Variants in NCAPG observed in about 807,000 individuals in gnomAD.
The protein encoded by NCAPG is condensin complex subunit 3.
NCAPG carries 69 observed loss-of-function variants against 113.1 expected under a neutral mutation model. That is an observed-to-expected ratio of 0.61 (90% CI 0.50 to 0.75). The LOEUF (loss-of-function observed/expected upper bound fraction) is 0.75. Among genes scored for constraint, NCAPG ranks in the 30% least tolerant of loss-of-function variants. NCAPG has a pLI of 0.00. For missense variants in NCAPG, 1,058 were observed against 1,177.0 expected (o/e 0.90, Z 1.48); for synonymous variants, 370 against 415.8 (o/e 0.89, Z 1.34).
chr4:17,829,558 AGT>A lies in NCAPG; in HGVS notation c.1764+1173_1764+1174del, dbSNP rs367742595. ...TGTATATATGTGGGAAAGGATATAC[AGT>A]GTTATGTGAAGAATAAACACAAAAT... On this transcript the variant is annotated intron_variant, in intron 12 of 20. Coordinates refer to ENST00000251496, the MANE Select transcript of NCAPG (RefSeq NM_022346.5). Among the ~76,000 whole-genome samples the A allele has an allele frequency of 2.4e-3, 367 of 151,346 alleles. 1 individual carries two copies. Among genetic ancestry groups the A allele is most frequent in the African/African-American group, 7.9e-3 (328 of 41,550 alleles).
At chr4:17,826,638 C>T (rs1384856646) in intron 11 of NCAPG, among the ~76,000 whole-genome samples, 1 of 152,204 alleles carries the variant, frequency 6.6e-6, no homozygotes, top group African/African-American at 2.4e-5. Context: ...TTTAACTTGA[C>T]TTGCTTTGAC....
intron 11 of NCAPG, 72 bp downstream of exon 11, chr4:17,825,633 C>T (rs1721632097): frequency 1.5e-6 from 2 of 1,343,570 alleles, no homozygotes; most frequent in Non-Finnish European, 2.0e-6. Context: ...TTTTCTCTAA[C>T]TTCTAGAATT....
At position 17,818,002 on chromosome 4, in the gene NCAPG, A is replaced by G; in HGVS notation, c.1032A>G (p.Glu344=). 6.2e-6 allele frequency: 10 copies of G among 1,613,708 alleles called. No individual in the cohort carries two copies. Among genetic ancestry groups the G allele is most frequent in the Non-Finnish European group, 8.5e-6 (10 of 1,179,796 alleles). The change falls in exon 7 of 21, where the codon GAA becomes GAG. Residue 344 remains glutamate, a synonymous_variant. Transcript: ENST00000251496. ...CTTTGTATTGGTGTGCCCTTTGTGA[A>G]TATTTGAAATCAAAAGGAGATGAAG... The part of the protein sequence containing the change: ...EIALYWCALC[E]YLKSKGDEGE...
At chr4:17,815,779 C>T (rs1248921364) in intron 5 of NCAPG, among the ~76,000 whole-genome samples, 1 of 152,168 alleles carries the variant, frequency 6.6e-6, no homozygotes, top group East Asian at 1.9e-4. Flanking sequence ...CTACTTCAGC[C>T]TCCCAAAGTG....
intron 18 of NCAPG, 21 bp downstream of exon 18, chr4:17,840,230 A>G (rs377000367): frequency 2.3e-5 from 36 of 1,539,458 alleles, no homozygotes; most frequent in Non-Finnish European, 3.0e-5. Flanking sequence ...ACTGAACAGA[A>G]TATTTATAAG....
At chr4:17,824,239 C>T (rs114517053) in intron 9 of NCAPG, among the ~76,000 whole-genome samples, 1,724 of 152,196 alleles carry the variant, frequency 0.011, 23 homozygotes, top group Non-Finnish European at 0.017. Flanking sequence ...AGGTATTGTT[C>T]TGTATTGCTT....
chr4:17,821,405 C>T (rs900268081), intron 7 of NCAPG, among the ~76,000 whole-genome samples: 13 of 149,400 alleles, frequency 8.7e-5, no homozygotes, highest in African/African-American at 2.0e-4. Flanking sequence ...TGAGAGTATA[C>T]TCATTATACA....
chr4:17,824,286 T>G (rs1287873261), intron 9 of NCAPG, among the ~76,000 whole-genome samples: 2 of 152,164 alleles, frequency 1.3e-5, no homozygotes, highest in Admixed American at 1.3e-4. Flanking sequence ...ATAATACTAT[T>G]TCAGTGTTAT....
At chr4:17,812,844 A>G in intron 2 of NCAPG, 73 bp from the exon 3 acceptor site, 2 of 1,251,318 alleles carry the variant, frequency 1.6e-6, no homozygotes, top group Non-Finnish European at 2.3e-6. Context: ...CCGAATGTAT[A>G]GAGTTCAGAT....
chr4:17,834,299 G>GT lies in NCAPG; in HGVS notation c.1889dup (p.Leu630PhefsTer4). The GT allele has an allele frequency of 6.4e-7, 1 of 1,574,552 alleles. No homozygotes were observed. The highest frequency in any genetic ancestry group is 8.6e-7 in the Non-Finnish European group (1 of 1,160,602). ...TTTGGTGGGGAATATCTTGATTTAG[G>GT]TTTTGCAAATTGATGATGTCACAAT... On this transcript the variant is annotated frameshift_variant and splice_region_variant, in exon 14 of 21. Transcript: ENST00000251496. LOFTEE classifies it high-confidence loss of function.
At position 17,818,093 on chromosome 4, in the gene NCAPG, AT is replaced by A. The variant is rs748183293; in HGVS notation, c.1118+13del. Reference sequence around the variant, plus strand: ...ATATGCAGACTATTTATTGAGGTAAATTTTTTTTCTTTTAGTTTGGAGAGTG... The same window carrying A: ...ATATGCAGACTATTTATTGAGGTAAATTTTTTTCTTTTAGTTTGGAGAGTG... On this transcript the variant is annotated splice_donor_region_variant and intron_variant, in intron 7 of 20. Transcript: ENST00000251496. The A allele has an allele frequency of 4.4e-6, 7 of 1,590,096 alleles. No homozygotes were observed. Among genetic ancestry groups the A allele is most frequent in the African/African-American group, 1.4e-5 (1 of 73,344 alleles).
At chr4:17,817,647 T>C (rs1721269431) in intron 6 of NCAPG, among the ~76,000 whole-genome samples, 194 bp downstream of exon 6, 1 of 152,210 alleles carries the variant, frequency 6.6e-6, no homozygotes, top group Non-Finnish European at 1.5e-5. Flanking sequence ...AACTTTATCA[T>C]AGACTATCTA....
In NCAPG at chr4:17,834,445, G is replaced by C; in HGVS notation, c.2031G>C (p.Glu677Asp). 1 of 1,611,180 alleles carries C rather than the reference G, an allele frequency of 6.2e-7. No individual in the cohort carries two copies. Among genetic ancestry groups the C allele is most frequent in the Non-Finnish European group, 8.5e-7 (1 of 1,178,536 alleles). Residue 677 changes from glutamate to aspartate, a missense_variant, in exon 14 of 21, where the codon GAG (glutamate) becomes GAC (aspartate). Transcript: ENST00000251496. ...GTACAGAAATAAACAGTGATGATGA[G>C]CAAGAATCAAAAGAAGTTGAAGAGA... ...CEGTEINSDDEQESKEVEETA... is the reference protein window; with the variant it reads ...CEGTEINSDDDQESKEVEETA...
At chr4:17,816,367 C>T (rs780890104) in intron 5 of NCAPG, among the ~76,000 whole-genome samples, 6 of 152,148 alleles carry the variant, frequency 3.9e-5, no homozygotes, top group Non-Finnish European at 7.4e-5. Context: ...CTGTGCGGCC[C>T]GGTTCCTAAC....
intron 13 of NCAPG, among the ~76,000 whole-genome samples, chr4:17,833,384 G>A (rs13104751): frequency 0.44 from 66,495 of 151,184 alleles, 17,235 homozygotes; most frequent in Middle Eastern, 0.59. Flanking sequence ...GCTTGAACCC[G>A]GGAGGTGGAG....
At position 17,837,186 on chromosome 4, in the gene NCAPG, G is replaced by A; in HGVS notation, c.2137G>A (p.Glu713Lys). 1 of 1,613,822 alleles carries A rather than the reference G, an allele frequency of 6.2e-7. No individual in the cohort carries two copies. Among genetic ancestry groups the A allele is most frequent in the South Asian group, 1.1e-5 (1 of 91,032 alleles). ...EVSELRTGAA[E>K]GLAKLMFSGL... is the part of the protein sequence containing the mutation. ...ATCTGAACTTAGGACTGGAGCTGCA[G>A]AAGGACTAGCCAAGCTGATGTTCTC... Residue 713 changes from glutamate (E) to lysine (K), a missense_variant, in exon 15 of 21, where the codon GAA (glutamate) becomes AAA (lysine). Transcript: ENST00000251496.
intron 18 of NCAPG, 138 bp downstream of exon 18, chr4:17,840,347 T>A (rs2109068060): frequency 1.1e-6 from 1 of 919,502 alleles, no homozygotes; most frequent in Non-Finnish European, 1.5e-6. Context: ...TTAATCCTCT[T>A]GGGAAAGAGC....
intron 19 of NCAPG, 137 bp from the exon 20 acceptor site, chr4:17,842,173 G>A (rs1299037095): frequency 1.4e-5 from 9 of 644,268 alleles, no homozygotes; most frequent in Non-Finnish European, 2.2e-5. Context: ...GTACCAAGAT[G>A]GCTAGAACAA....
intron 13 of NCAPG, among the ~76,000 whole-genome samples, chr4:17,833,759 G>A (rs1339306960): frequency 6.6e-6 from 1 of 151,802 alleles, no homozygotes; most frequent in African/African-American, 2.4e-5. Flanking sequence ...TTTTCATAAA[G>A]GAGTCTAGTT....
Sources: gnomAD v4.1 joint callset for allele counts (sites outside exome capture counted in the v4.1 genomes callset) on GRCh38, gnomAD v4.1.1 for gene constraint, MANE v1.5 for transcripts, NCBI Gene and HGNC (gene_info 2026-07-23, HGNC 2026-07-21) for gene names.